The following NTRK3 variants were observed in gnomAD, a reference collection of about 807,000 sequenced individuals.
The protein encoded by NTRK3 is neurotrophic receptor tyrosine kinase 3.
NTRK3 carries 24 observed loss-of-function variants against 91.7 expected under a neutral mutation model. The ratio of observed to expected loss-of-function variants is 0.26; its 90% CI spans 0.19 to 0.37. The LOEUF (loss-of-function observed/expected upper bound fraction) is 0.37, where lower values mean the gene tolerates loss of function less well. NTRK3 is among the 10% of genes least tolerant of loss of function. The pLI is 1.00. For missense variants in NTRK3, 880 were observed against 1,068.9 expected (o/e 0.82, Z 2.46); for synonymous variants, 483 against 404.0 (o/e 1.20, Z -2.34).
At chr15:88,186,550 G>T (rs1161848649) in intron 3 of NTRK3, among the ~76,000 whole-genome samples, 1 of 152,220 alleles carries the variant, frequency 6.6e-6, no homozygotes, top group East Asian at 1.9e-4. Context: ...GTGTGGGTAG[G>T]AGTCAGGGCT....
At chr15:87,987,483 C>T (rs368467332) in intron 14 of NTRK3, among the ~76,000 whole-genome samples, 1 of 151,172 alleles carries the variant, frequency 6.6e-6, no homozygotes, top group Non-Finnish European at 1.5e-5. Context: ...GTCTTTCTCT[C>T]TCTATCTATA....
At chr15:87,946,874 CTTTTTTTTT>C (rs560114979) in intron 14 of NTRK3, among the ~76,000 whole-genome samples, 7 of 85,440 alleles carry the variant, frequency 8.2e-5, no homozygotes, top group African/African-American at 2.1e-4. Context: ...TTCGTGGGTT[CTTTTTTTTT>C]TTTTTTTTTT....
chr15:88,217,509 A>G lies in NTRK3; in HGVS notation c.249-33210T>C, dbSNP rs958468984. ...GAAACAAGCCAGTCACAAAAATACA[A>G]ACGCTGTCCGATTCCACTTACATGA... On this transcript the variant is annotated intron_variant, in intron 3 of 18. Transcript: ENST00000394480. Among the ~76,000 whole-genome samples the G allele has an allele frequency of 9.8e-5, 15 of 152,296 alleles. No homozygotes were observed. The East Asian group carries it at 2.5e-3, about 26-fold the overall frequency.
intron 14 of NTRK3, among the ~76,000 whole-genome samples, chr15:87,947,289 CCTGTGGGACTCTAAA>C (rs2070655551): frequency 6.6e-6 from 1 of 152,068 alleles, no homozygotes; most frequent in Non-Finnish European, 1.5e-5. Context: ...TTAGAGGTGT[CCTGTGGGACTCTAAA>C]GGCTGGGCTG....
chr15:87,980,515 ATATG>A (rs1297991431), intron 14 of NTRK3, among the ~76,000 whole-genome samples: 2 of 152,116 alleles, frequency 1.3e-5, no homozygotes, highest in Admixed American at 6.5e-5. Flanking sequence ...ATGTGCGAAT[ATATG>A]TGTGTGTACA....
At chr15:88,053,867 A>T (rs1050250742) in intron 13 of NTRK3, among the ~76,000 whole-genome samples, 26 of 152,226 alleles carry the variant, frequency 1.7e-4, no homozygotes, top group African/African-American at 6.0e-4. Flanking sequence ...AAAAATCAGA[A>T]TTTCATGTCC....
At chr15:88,046,231 C>T (rs1596962303) in intron 13 of NTRK3, among the ~76,000 whole-genome samples, 1 of 152,096 alleles carries the variant, frequency 6.6e-6, no homozygotes, top group African/African-American at 2.4e-5. Flanking sequence ...CAATATGTAC[C>T]CTCTAGAATC....
chr15:88,093,371 G>T (rs2049225702), intron 13 of NTRK3, among the ~76,000 whole-genome samples: 1 of 152,150 alleles, frequency 6.6e-6, no homozygotes, highest in Non-Finnish European at 1.5e-5. Context: ...TCTTAGGGTA[G>T]CATGATTAGA....
chr15:88,247,746 T>A (rs1294166501), intron 3 of NTRK3, among the ~76,000 whole-genome samples: 1 of 151,960 alleles, frequency 6.6e-6, no homozygotes, highest in African/African-American at 2.4e-5. Flanking sequence ...TGCCCCACAG[T>A]TTCGGCTGTT....
At chr15:88,218,479 A>G (rs575719307) in intron 3 of NTRK3, among the ~76,000 whole-genome samples, 30 of 152,320 alleles carry the variant, frequency 2.0e-4, no homozygotes, top group Non-Finnish European at 4.0e-4. Flanking sequence ...TGGGATAATA[A>G]TGCTCATCAA....
chr15:87,977,025 G>A (rs910992050), intron 14 of NTRK3, among the ~76,000 whole-genome samples: 3 of 152,186 alleles, frequency 2.0e-5, no homozygotes, highest in Non-Finnish European at 4.4e-5. Flanking sequence ...AGGAGTGAGG[G>A]TCTCAGTGGC....
chr15:88,052,253 C>A (rs1008615727), intron 13 of NTRK3, among the ~76,000 whole-genome samples: 2 of 152,226 alleles, frequency 1.3e-5, no homozygotes, highest in Non-Finnish European at 2.9e-5. Context: ...TCCATCACCC[C>A]CTATCACGTC....
At chr15:88,191,632 A>G (rs1484166321) in intron 3 of NTRK3, among the ~76,000 whole-genome samples, 1 of 152,256 alleles carries the variant, frequency 6.6e-6, no homozygotes, top group Admixed American at 6.5e-5. Flanking sequence ...ACACACACGC[A>G]CAATGTGCCG....
intron 15 of NTRK3, among the ~76,000 whole-genome samples, chr15:87,938,157 AT>A: frequency 6.6e-6 from 1 of 152,176 alleles, no homozygotes; most frequent in Non-Finnish European, 1.5e-5. Flanking sequence ...ATATGTGCAG[AT>A]TATGTCCTGT....
At chr15:88,232,868 T>C (rs996893181) in intron 3 of NTRK3, among the ~76,000 whole-genome samples, 1 of 152,150 alleles carries the variant, frequency 6.6e-6, no homozygotes, top group Non-Finnish European at 1.5e-5. Context: ...TGTGGAGTGA[T>C]GTCACTACCC....
intron 14 of NTRK3, among the ~76,000 whole-genome samples, chr15:87,989,204 G>A (rs918564013): frequency 2.0e-5 from 3 of 152,118 alleles, no homozygotes; most frequent in African/African-American, 2.4e-5. Context: ...ACATGCACAC[G>A]TATGTTTATT....
At chr15:88,151,265 A>T (rs2043349958) in intron 5 of NTRK3, among the ~76,000 whole-genome samples, 1 of 152,078 alleles carries the variant, frequency 6.6e-6, no homozygotes, top group South Asian at 2.1e-4. Flanking sequence ...TTTGTGCTGC[A>T]AAACTGGCCC....
intron 17 of NTRK3, among the ~76,000 whole-genome samples, chr15:87,898,823 TAAA>T (rs34425235): frequency 6.7e-5 from 7 of 103,958 alleles, no homozygotes; most frequent in East Asian, 5.6e-4. Context: ...CTGTCTCTAC[TAAA>T]AAAAAAAAAA....
exon 19 of NTRK3, chr15:87,862,099 A>T (rs2064543116): frequency 1.4e-5 from 3 of 216,848 alleles, no homozygotes. Flanking sequence ...AAGAACTCTA[A>T]CAGAGGTGTT....
Sources: gnomAD v4.1 joint callset for allele counts (sites outside exome capture counted in the v4.1 genomes callset) on GRCh38, gnomAD v4.1.1 for gene constraint, MANE v1.5 for transcripts, NCBI Gene and HGNC (gene_info 2026-07-23, HGNC 2026-07-21) for gene names.